The following SNX24 variants were observed in gnomAD, a reference collection of about 807,000 sequenced individuals.
The protein encoded by SNX24 is sorting nexin-24.
Under a neutral mutation model 28.7 loss-of-function variants are expected in SNX24, and 22 were observed. The ratio of observed to expected loss-of-function variants is 0.77; its 90% CI spans 0.55 to 1.10. The LOEUF is 1.10. Ranked by LOEUF, SNX24 falls within the 50% of genes least tolerant of loss-of-function variation. The pLI is 0.00. For missense variants in SNX24, 221 were observed against 201.1 expected (o/e 1.10, Z -0.60); for synonymous variants, 69 against 71.5 (o/e 0.96, Z 0.18).
intron 1 of SNX24, among the ~76,000 whole-genome samples, chr5:122,865,332 ATGTATTTATATTTTTT>A (rs1404261223): frequency 8.1e-5 from 7 of 86,202 alleles, no homozygotes; most frequent in Non-Finnish European, 1.5e-4. Flanking sequence ...ATTTATTTTT[ATGTATTTATATTTTTT>A]GAGACTGAAT....
intron 1 of SNX24, among the ~76,000 whole-genome samples, chr5:122,868,817 A>G (rs1356458206): frequency 2.0e-5 from 3 of 152,106 alleles, no homozygotes; most frequent in Non-Finnish European, 2.9e-5. Context: ...TCATCCAAAA[A>G]CACTCTTACA....
In SNX24 at chr5:122,881,042, A is replaced by G. The variant is rs114570355; in HGVS notation, c.60+35349A>G. On this transcript the variant is annotated intron_variant, in intron 1 of 6. Transcript: ENST00000261369. ...CATGTCCCTGCTGCTATCAGTGTGC[A>G]GTAATTTTAATAGATTCTGATGGTT... Among the ~76,000 whole-genome samples, 325 of 152,340 alleles carry G rather than the reference A, an allele frequency of 2.1e-3. 1 individual carries two copies. Among genetic ancestry groups the G allele is most frequent in the Middle Eastern group, 6.8e-3 (2 of 294 alleles).
intron 1 of SNX24, among the ~76,000 whole-genome samples, chr5:122,874,620 G>A (rs772966654): frequency 6.6e-6 from 1 of 152,206 alleles, no homozygotes; most frequent in Non-Finnish European, 1.5e-5. Flanking sequence ...CAGCATTAGG[G>A]CCAGCTGTTA....
intron 1 of SNX24, among the ~76,000 whole-genome samples, chr5:122,860,051 A>C (rs943793568): frequency 4.6e-5 from 7 of 152,214 alleles, no homozygotes; most frequent in African/African-American, 1.7e-4. Flanking sequence ...TAATCTCTTT[A>C]GGATTGGGAG....
chr5:122,856,037 A>G (rs1242362803), intron 1 of SNX24, among the ~76,000 whole-genome samples: 1 of 152,110 alleles, frequency 6.6e-6, no homozygotes, highest in Non-Finnish European at 1.5e-5. Context: ...ATGTTATAGG[A>G]GTTTGGCGTA....
intron 3 of SNX24, among the ~76,000 whole-genome samples, chr5:122,986,620 C>T (rs1228217109): frequency 6.6e-6 from 1 of 151,884 alleles, no homozygotes; most frequent in Admixed American, 6.6e-5. Context: ...AAGCCGAAGC[C>T]AATTTGCAGA....
In SNX24 at chr5:123,003,023, CATA is replaced by C. The variant is rs138923453; in HGVS notation, c.442+1020_442+1022del. On this transcript the variant is annotated intron_variant, in intron 6 of 6. Transcript: ENST00000261369. The stretch of plus-strand genomic sequence containing the variant: ...CTATGTATTCCTTCTGTGCTCTTTG[CATA>C]TAGTGAATCTTGTTTCTGGGAGTCA... Among the ~76,000 whole-genome samples the C allele has an allele frequency of 3.7e-3, 559 of 152,298 alleles. 3 individuals carry two copies. Among genetic ancestry groups the C allele is most frequent in the African/African-American group, 0.013 (536 of 41,566 alleles).
chr5:123,017,691 C>T (rs1762703240), intron 5 of SNX24, among the ~76,000 whole-genome samples: 1 of 151,996 alleles, frequency 6.6e-6, no homozygotes, highest in African/African-American at 2.4e-5. Flanking sequence ...GGGTCTTTCC[C>T]ATGCTGTTCT....
At chr5:122,985,972 G>A (rs1186117955) in intron 3 of SNX24, among the ~76,000 whole-genome samples, 1 of 152,172 alleles carries the variant, frequency 6.6e-6, no homozygotes, top group African/African-American at 2.4e-5. Context: ...ATAATTGCTA[G>A]CACTCTGAAG....
At chr5:122,883,748 C>G (rs903450018) in intron 1 of SNX24, among the ~76,000 whole-genome samples, 11 of 152,120 alleles carry the variant, frequency 7.2e-5, no homozygotes, top group African/African-American at 2.2e-4. Context: ...CTCCTGGGCT[C>G]AAGAGATCCT....
intron 3 of SNX24, among the ~76,000 whole-genome samples, chr5:122,949,047 A>T (rs30025): frequency 1.0e-3 from 153 of 152,224 alleles, no homozygotes; most frequent in Non-Finnish European, 1.5e-3. Context: ...GCTGTATTTA[A>T]GTAAGAGGCT....
chr5:122,876,197 T>A (rs1384674409), intron 1 of SNX24, among the ~76,000 whole-genome samples: 1 of 152,164 alleles, frequency 6.6e-6, no homozygotes, highest in Non-Finnish European at 1.5e-5. Flanking sequence ...AGGCAGTAGG[T>A]TTTTGAGCTG....
intron 3 of SNX24, among the ~76,000 whole-genome samples, chr5:122,999,611 A>G (rs549639920): frequency 1.3e-5 from 2 of 152,186 alleles, no homozygotes; most frequent in Admixed American, 6.5e-5. Flanking sequence ...GAAGGCAAGA[A>G]CCATTTCTAC....
intron 1 of SNX24, among the ~76,000 whole-genome samples, chr5:122,918,506 A>G (rs1340225148): frequency 6.6e-6 from 1 of 152,202 alleles, no homozygotes; most frequent in African/African-American, 2.4e-5. Context: ...TTGCTTCATA[A>G]GTAATCATAT....
chr5:122,887,286 TAAG>T (rs1038088562), intron 1 of SNX24, among the ~76,000 whole-genome samples: 19 of 152,240 alleles, frequency 1.2e-4, no homozygotes, highest in Non-Finnish European at 2.4e-4. Context: ...TTGTTGCTGG[TAAG>T]AAGTCTGCTG....
chr5:122,921,561 A>G (rs1758430202), intron 1 of SNX24, among the ~76,000 whole-genome samples: 1 of 152,196 alleles, frequency 6.6e-6, no homozygotes, highest in Non-Finnish European at 1.5e-5. Flanking sequence ...AAGAAAAAAA[A>G]TTCACATCCA....
chr5:122,950,698 G>A (rs1032128453), intron 3 of SNX24, among the ~76,000 whole-genome samples: 1 of 152,086 alleles, frequency 6.6e-6, no homozygotes, highest in African/African-American at 2.4e-5. Flanking sequence ...ACCTCACCAC[G>A]GCCAACCATC....
chr5:122,980,416 T>A (rs779106455), intron 3 of SNX24, among the ~76,000 whole-genome samples: 1 of 152,104 alleles, frequency 6.6e-6, no homozygotes, highest in Non-Finnish European at 1.5e-5. Context: ...CAAGTTCACT[T>A]TGCTTGATCC....
At chr5:122,889,108 C>T (rs1436110957) in intron 1 of SNX24, among the ~76,000 whole-genome samples, 2 of 152,124 alleles carry the variant, frequency 1.3e-5, no homozygotes, top group African/African-American at 2.4e-5. Flanking sequence ...CCGCCTTGGC[C>T]TCCCAAAGTT....
Sources: gnomAD v4.1 joint callset for allele counts (sites outside exome capture counted in the v4.1 genomes callset) on GRCh38, gnomAD v4.1.1 for gene constraint, MANE v1.5 for transcripts, NCBI Gene and HGNC (gene_info 2026-07-23, HGNC 2026-07-21) for gene names.